Variants in TOP1MT observed in about 807,000 individuals in gnomAD.
TOP1MT encodes the protein DNA topoisomerase I mitochondrial.
Under a neutral mutation model 73.9 loss-of-function variants are expected in TOP1MT, and 80 were observed. That is an observed-to-expected ratio of 1.08 (90% confidence interval 0.90 to 1.30). The LOEUF (loss-of-function observed/expected upper bound fraction) is 1.30. TOP1MT is among the 50% of genes most tolerant of loss of function. The probability of loss-of-function intolerance (pLI) is 0.00; values close to 1 mark genes in which losing one functional copy is unlikely to be tolerated. For missense variants in TOP1MT, 815 were observed against 808.0 expected (o/e 1.01, Z -0.10); for synonymous variants, 338 against 326.4 (o/e 1.04, Z -0.38).
At chr8:143,334,141 A>AC (rs34380798) in intron 1 of TOP1MT, 35,023 of 152,090 alleles carry the variant, frequency 0.23, 7,718 homozygotes, top group African/African-American at 0.58. Context: ...CTCTTCGGAA[A>AC]CTCCAGCATT....
intron 1 of TOP1MT, 148 bp from the exon 2 acceptor site, chr8:143,331,487 G>A (rs1816854132): frequency 1.7e-6 from 1 of 602,308 alleles, no homozygotes; most frequent in South Asian, 2.4e-5. Context: ...GGCCTGCAGA[G>A]GGAGGCAACC....
upstream of TOP1MT, among the ~76,000 whole-genome samples, chr8:143,359,004 TCTG>T (rs371132658): frequency 0.11 from 16,679 of 151,692 alleles, 3,108 homozygotes; most frequent in African/African-American, 0.38. Flanking sequence ...TTTTTTGTTT[TCTG>T]TTTTTTGGTT....
In TOP1MT at chr8:143,316,215, G is replaced by A. The variant is rs539155483; in HGVS notation, c.1331-89C>T. Reference sequence around the variant, plus strand: ...AGCCGGCCTTAACGCGCCACACAGCGCAGCCCCTTCCACTCACACAGGCAC... The same window carrying A: ...AGCCGGCCTTAACGCGCCACACAGCACAGCCCCTTCCACTCACACAGGCAC... On this transcript the variant is annotated intron_variant, in intron 10 of 13. Transcript: ENST00000329245. The A allele has an allele frequency of 6.3e-4, 1,007 of 1,588,038 alleles. 1 individual carries two copies. Among genetic ancestry groups the A allele is most frequent in the African/African-American group, 3.7e-3 (273 of 74,690 alleles).
At chr8:143,332,750 G>T in intron 1 of TOP1MT, 1 of 400,768 alleles carries the variant, frequency 2.5e-6, no homozygotes. Context: ...TTCCAGGGTG[G>T]AGCCGGGCGT....
upstream of TOP1MT, among the ~76,000 whole-genome samples, chr8:143,347,362 A>G (rs562030003): frequency 1.8e-4 from 28 of 152,246 alleles, no homozygotes; most frequent in East Asian, 5.8e-4. Flanking sequence ...TCACCATGTT[A>G]GCCAGGATGG....
intron 12 of TOP1MT, among the ~76,000 whole-genome samples, chr8:143,310,915 C>G (rs1353497060): frequency 1.3e-5 from 2 of 151,468 alleles, no homozygotes. Context: ...AGAGCCAGCA[C>G]GCACACACAG....
chr8:143,317,999 G>C lies in TOP1MT; in HGVS notation c.1215+19C>G. The C allele has an allele frequency of 6.2e-7, 1 of 1,614,110 alleles. No homozygotes were observed. The highest frequency in any genetic ancestry group is 8.5e-7 in the Non-Finnish European group (1 of 1,179,958). ...GGTCCTGCCGCCGCCCACTGCTGAG[G>C]AAACACGAGCCGGCTTACGGTCAGC... On this transcript the variant is annotated intron_variant, in intron 9 of 13. Transcript: ENST00000329245.
chr8:143,346,094 G>C (rs1233045711), upstream of TOP1MT, among the ~76,000 whole-genome samples: 1 of 152,060 alleles, frequency 6.6e-6, no homozygotes, highest in Non-Finnish European at 1.5e-5. Context: ...TAATGTGTCT[G>C]TAAAGTTCAC....
chr8:143,317,261 C>T (rs541634085), intron 10 of TOP1MT, among the ~76,000 whole-genome samples: 3 of 152,258 alleles, frequency 2.0e-5, no homozygotes, highest in East Asian at 1.9e-4. Flanking sequence ...CAAGCTTAGA[C>T]AGCATCCCCA....
chr8:143,346,328 G>C (rs1050864083), upstream of TOP1MT, among the ~76,000 whole-genome samples: 4 of 152,222 alleles, frequency 2.6e-5, no homozygotes, highest in African/African-American at 9.6e-5. Flanking sequence ...TATCTTCATA[G>C]AGCACTTTTA....
chr8:143,331,536 T>C (rs1026137737), intron 1 of TOP1MT, among the ~76,000 whole-genome samples, 197 bp from the exon 2 acceptor site: 2 of 152,110 alleles, frequency 1.3e-5, no homozygotes, highest in Non-Finnish European at 2.9e-5. Flanking sequence ...TACCCGCCCA[T>C]GCCCCCCACC....
upstream of TOP1MT, among the ~76,000 whole-genome samples, chr8:143,345,401 G>T (rs1364174560): frequency 1.3e-5 from 2 of 152,244 alleles, no homozygotes; most frequent in Non-Finnish European, 2.9e-5. Context: ...AGCAATGCCA[G>T]CCCGAGGCGT....
intron 1 of TOP1MT, chr8:143,332,465 A>G: frequency 7.8e-7 from 1 of 1,286,864 alleles, no homozygotes; most frequent in Non-Finnish European, 1.0e-6. Flanking sequence ...CAAGGACAGA[A>G]GGTTCCAGAT....
upstream of TOP1MT, among the ~76,000 whole-genome samples, chr8:143,348,647 C>T (rs368513001): frequency 2.2e-4 from 34 of 152,294 alleles, no homozygotes; most frequent in South Asian, 3.5e-3. This position sits in a 1 kb window ranked among gnomAD's most constrained non-coding sequence, Gnocchi z 4.6. Context: ...TGATCTAGCC[C>T]CATGCGCCGC....
In TOP1MT at chr8:143,326,363, C is replaced by A; in HGVS notation, c.361-19G>T. 1 of 1,613,784 alleles carries A rather than the reference C, an allele frequency of 6.2e-7. No individual in the cohort carries two copies. Among genetic ancestry groups the A allele is most frequent in the Non-Finnish European group, 8.5e-7 (1 of 1,179,918 alleles). On this transcript the variant is annotated intron_variant, in intron 3 of 13. Transcript: ENST00000329245. ...CCATTTCCTGCAAAAACCACAGACA[C>A]GCGCTCTCACCATGTCTGAAGGACA...
intron 7 of TOP1MT, among the ~76,000 whole-genome samples, chr8:143,321,714 A>G (rs1163755511): frequency 4.7e-4 from 56 of 119,934 alleles, no homozygotes; most frequent in African/African-American, 1.9e-3. Flanking sequence ...CACATGCCAC[A>G]CACGCACGCC....
chr8:143,331,039 T>C (rs1816839551), intron 2 of TOP1MT, among the ~76,000 whole-genome samples, 185 bp downstream of exon 2: 1 of 152,170 alleles, frequency 6.6e-6, no homozygotes, highest in African/African-American at 2.4e-5. Flanking sequence ...GCCCCCGAAC[T>C]GCCACCCTCT....
intron 8 of TOP1MT, among the ~76,000 whole-genome samples, chr8:143,318,671 G>A (rs2129977509): frequency 6.6e-6 from 1 of 152,242 alleles, no homozygotes; most frequent in South Asian, 2.1e-4. Context: ...GGAGGTTGCT[G>A]TGGCCTCTGT....
intron 1 of TOP1MT, among the ~76,000 whole-genome samples, chr8:143,354,441 G>A (rs1236983343): frequency 6.6e-6 from 1 of 152,106 alleles, no homozygotes; most frequent in African/African-American, 2.4e-5. Context: ...AGCCGGGCGT[G>A]GTGGCTCACG....
Sources: allele counts gnomAD v4.1 joint callset (sites outside exome capture counted in the v4.1 genomes callset), GRCh38; gene constraint gnomAD v4.1.1; non-coding constraint Gnocchi (gnomAD v3.1); transcripts MANE v1.5; gene names NCBI Gene and HGNC (gene_info 2026-07-23, HGNC 2026-07-21).